PTK2: variants seen among roughly 807,000 people sequenced by gnomAD.
The protein encoded by PTK2 is focal adhesion kinase 1.
PTK2 carries 45 observed loss-of-function variants against 150.1 expected under a neutral mutation model. That is an observed-to-expected ratio of 0.30 (90% CI 0.24 to 0.38). The LOEUF (loss-of-function observed/expected upper bound fraction) is 0.38. Ranked by LOEUF, PTK2 falls within the 10% of genes least tolerant of loss-of-function variation. The probability of loss-of-function intolerance (pLI) is 1.00; values close to 1 mark genes in which losing one functional copy is unlikely to be tolerated. For synonymous variants in PTK2, 432 were observed against 449.2 expected (o/e 0.96, Z 0.48); for missense variants, 919 against 1,307.3 (o/e 0.70, Z 4.58).
chr8:140,794,495 C>T (rs1413266065), intron 12 of PTK2, among the ~76,000 whole-genome samples: 2 of 152,122 alleles, frequency 1.3e-5, no homozygotes, highest in African/African-American at 4.8e-5. Context: ...ATCAGTTCCC[C>T]CCCACCCCCA....
intron 11 of PTK2, among the ~76,000 whole-genome samples, chr8:140,802,421 A>G (rs2100095651): frequency 6.6e-6 from 1 of 152,220 alleles, no homozygotes; most frequent in Non-Finnish European, 1.5e-5. Context: ...TTTAAAATTA[A>G]TTGTTATTAC....
At chr8:140,825,217 A>G (rs2100111113) in intron 8 of PTK2, among the ~76,000 whole-genome samples, 1 of 152,172 alleles carries the variant, frequency 6.6e-6, no homozygotes, top group Non-Finnish European at 1.5e-5. Context: ...ATCAGATGAT[A>G]AGCTCTGTAA....
intron 5 of PTK2, among the ~76,000 whole-genome samples, chr8:140,856,318 C>T (rs1269765126): frequency 6.6e-6 from 1 of 152,018 alleles, no homozygotes. Flanking sequence ...AGCCCATGTT[C>T]ACAAAAATGC....
chr8:140,962,866 T>C (rs1355090708), intron 1 of PTK2, among the ~76,000 whole-genome samples: 1 of 151,400 alleles, frequency 6.6e-6, no homozygotes, highest in East Asian at 1.9e-4. Context: ...TTCCTGGCCC[T>C]TGTAGGTCCC....
chr8:140,877,484 A>T (rs1451353961), intron 4 of PTK2, among the ~76,000 whole-genome samples: 1 of 152,204 alleles, frequency 6.6e-6, no homozygotes, highest in Non-Finnish European at 1.5e-5. Flanking sequence ...AAACTATGTA[A>T]CTACAAGTTT....
chr8:140,928,997 G>T, intron 1 of PTK2, among the ~76,000 whole-genome samples: 1 of 106,640 alleles, frequency 9.4e-6, no homozygotes, highest in African/African-American at 3.7e-5. Flanking sequence ...ACGGAGTCTC[G>T]CTCTGTCGCC....
chr8:140,927,020 C>G (rs2100169709), intron 1 of PTK2, among the ~76,000 whole-genome samples: 1 of 152,112 alleles, frequency 6.6e-6, no homozygotes, highest in African/African-American at 2.4e-5. Flanking sequence ...TTGCTTTTTT[C>G]TTAAAGGCTC....
At chr8:140,715,405 C>T (rs1001950793) in intron 23 of PTK2, among the ~76,000 whole-genome samples, 5 of 151,974 alleles carry the variant, frequency 3.3e-5, no homozygotes, top group Non-Finnish European at 5.9e-5. Flanking sequence ...TTCCTGACCT[C>T]AGGTGATCTG....
intron 18 of PTK2, chr8:140,746,509 C>G (rs1276101319): frequency 5.8e-6 from 2 of 342,678 alleles, no homozygotes; most frequent in Non-Finnish European, 1.0e-5. Context: ...ATTTGGCCAT[C>G]TGCGGCTACC....
chr8:140,734,370 G>T (rs2100051306), intron 22 of PTK2, among the ~76,000 whole-genome samples: 1 of 152,122 alleles, frequency 6.6e-6, no homozygotes, highest in Non-Finnish European at 1.5e-5. Flanking sequence ...TCTCATTCTA[G>T]ACTCCAATTC....
chr8:140,937,152 A>G (rs78032689), intron 1 of PTK2, among the ~76,000 whole-genome samples: 8 of 152,326 alleles, frequency 5.3e-5, no homozygotes, highest in Non-Finnish European at 1.2e-4. Flanking sequence ...GGTGTCATTA[A>G]AATATACACC....
At chr8:140,806,216 A>G (rs1171230402) in intron 10 of PTK2, among the ~76,000 whole-genome samples, 1 of 152,234 alleles carries the variant, frequency 6.6e-6, no homozygotes, top group Non-Finnish European at 1.5e-5. Context: ...TGAACTTTCC[A>G]GGAATGCAAC....
chr8:140,680,186 T>C (rs1396141611), intron 27 of PTK2, among the ~76,000 whole-genome samples: 1 of 152,186 alleles, frequency 6.6e-6, no homozygotes, highest in Non-Finnish European at 1.5e-5. Flanking sequence ...CAAAGCAAAC[T>C]GAGATCTTAG....
At chr8:140,819,718 C>A (rs532777248) in intron 8 of PTK2, among the ~76,000 whole-genome samples, 1 of 152,186 alleles carries the variant, frequency 6.6e-6, no homozygotes. Flanking sequence ...CAAGAGCACA[C>A]GTGTGGGTCC....
intron 7 of PTK2, among the ~76,000 whole-genome samples, chr8:140,835,881 A>G (rs2100118400): frequency 6.6e-6 from 1 of 152,004 alleles, no homozygotes. Flanking sequence ...CACATCCCAA[A>G]GATGTGCATG....
At chr8:140,898,622 A>T (rs2100157244) in intron 2 of PTK2, among the ~76,000 whole-genome samples, 1 of 152,182 alleles carries the variant, frequency 6.6e-6, no homozygotes, top group Admixed American at 6.6e-5. Flanking sequence ...TCAACCCACA[A>T]CCTGATGTAA....
intron 31 of PTK2, chr8:140,662,934 G>C: frequency 2.4e-6 from 1 of 422,828 alleles, no homozygotes; most frequent in Non-Finnish European, 4.2e-6. Context: ...AAAAGGCTGA[G>C]GAGCTGTTTC....
At chr8:140,745,672 T>C (rs1412417985) in intron 18 of PTK2, among the ~76,000 whole-genome samples, 1 of 152,140 alleles carries the variant, frequency 6.6e-6, no homozygotes, top group African/African-American at 2.4e-5. Flanking sequence ...CTGGAGAAAG[T>C]GAGAGAGCTA....
chr8:140,658,641 T>C (rs1045556469), exon 32 of PTK2: 4 of 208,476 alleles, frequency 1.9e-5, no homozygotes, highest in Non-Finnish European at 3.9e-5. Flanking sequence ...ATAGTCAACA[T>C]GGCTTTAATC....
Sources: gnomAD v4.1 joint callset for allele counts (sites outside exome capture counted in the v4.1 genomes callset) on GRCh38, gnomAD v4.1.1 for gene constraint, MANE v1.5 for transcripts, NCBI Gene and HGNC (gene_info 2026-07-23, HGNC 2026-07-21) for gene names.